LRRC53: variants seen among roughly 807,000 people sequenced by gnomAD.
LRRC53 encodes the protein leucine rich repeat containing 53.
Under a neutral mutation model 13.6 loss-of-function variants are expected in LRRC53, and 25 were observed. The ratio of observed to expected loss-of-function variants is 1.83; its 90% CI spans 1.34 to 2.56. The LOEUF is 2.56. Ranked by LOEUF, LRRC53 falls within the 30% of genes most tolerant of loss-of-function variation. LRRC53 has a pLI of 0.00. For synonymous variants in LRRC53, 204 were observed against 109.8 expected (o/e 1.86, Z -5.37); for missense variants, 527 against 275.8 (o/e 1.91, Z -6.45).
chr1:74,476,229 C>G (rs1158629009), intron 3 of LRRC53, among the ~76,000 whole-genome samples: 1 of 152,058 alleles, frequency 6.6e-6, no homozygotes, highest in East Asian at 1.9e-4. Context: ...GTAGTTTGTC[C>G]TCTGAATAAA....
intron 4 of LRRC53, among the ~76,000 whole-genome samples, chr1:74,473,689 C>A (rs1468842708): frequency 2.6e-5 from 4 of 152,030 alleles, no homozygotes; most frequent in East Asian, 1.9e-4. Context: ...TAATTCCAAT[C>A]TAAGATCTGC....
chr1:74,510,047 A>C (rs1670106352), intron 1 of LRRC53, among the ~76,000 whole-genome samples: 1 of 151,862 alleles, frequency 6.6e-6, no homozygotes. Context: ...TTTCAATGTC[A>C]CAGATTTTCT....
rs536932947 is a variant in LRRC53, at chr1:74,475,453, A to G, written c.1262T>C (p.Leu421Pro). ...STLFCQDGRLLHSECSEPPGN... is the reference protein window; with the variant it reads ...STLFCQDGRLPHSECSEPPGN... ...AGGAGGCTCTGAACATTCCGAATGC[A>G]GCAATCTACCATCCTGGCAAAATAA... The change falls in exon 4 of 5, where the codon CTG becomes CCG. Residue 421 changes from leucine to proline, a missense_variant. Coordinates refer to ENST00000294635, the MANE Select transcript of LRRC53 (RefSeq NM_001382280.1). 20 of 717,166 alleles carry G rather than the reference A, an allele frequency of 2.8e-5. No individual in the cohort carries two copies. The highest frequency in any genetic ancestry group is 1.9e-4 in the East Asian group (7 of 37,268). The allele number at this position is 717,166 out of a possible 1,614,324, so 44.4% of individuals were successfully genotyped here.
At chr1:74,484,027 A>G (rs1263276223) in intron 1 of LRRC53, among the ~76,000 whole-genome samples, 2 of 152,170 alleles carry the variant, frequency 1.3e-5, no homozygotes, top group Non-Finnish European at 2.9e-5. Context: ...CATGTGTAAA[A>G]TAGAAATAAT....
At chr1:74,518,752 A>G in the LRRC53 span, among the ~76,000 whole-genome samples, 4 of 152,166 alleles carry the variant, frequency 2.6e-5, no homozygotes, top group Non-Finnish European at 5.9e-5. Flanking sequence ...ATTTATTTCC[A>G]TAAGTAAAGG....
chr1:74,494,480 C>T (rs1393283280), intron 1 of LRRC53, among the ~76,000 whole-genome samples: 3 of 152,126 alleles, frequency 2.0e-5, no homozygotes, highest in African/African-American at 7.2e-5. Context: ...ATTTTAGTCT[C>T]TTGTATAATT....
At chr1:74,494,809 G>A (rs1364413115) in intron 1 of LRRC53, among the ~76,000 whole-genome samples, 3 of 152,136 alleles carry the variant, frequency 2.0e-5, no homozygotes, top group Non-Finnish European at 1.5e-5. Context: ...TTTAAGGAGA[G>A]GTACTATTGT....
Position 74,469,860 on chromosome 1 carries a change from T to G in LRRC53, c.*18A>C. ...GCTAAAGTAGAAAAGGATTATTATT[T>G]GAGTTATTTTGTTCACTTTATTCTG... On this transcript the variant is annotated 3_prime_UTR_variant, in exon 5 of 5. Coordinates refer to ENST00000294635, the MANE Select transcript of LRRC53 (RefSeq NM_001382280.1). The G allele has an allele frequency of 2.5e-6, 1 of 400,524 alleles. No homozygotes were observed. Among genetic ancestry groups the G allele is most frequent in the Non-Finnish European group, 4.4e-6 (1 of 225,992 alleles). The allele number at this position is 400,524 out of a possible 1,614,324, so 24.8% of individuals were successfully genotyped here.
intron 1 of LRRC53, among the ~76,000 whole-genome samples, chr1:74,485,621 A>G (rs1022102946): frequency 6.6e-6 from 1 of 152,216 alleles, no homozygotes; most frequent in Admixed American, 6.6e-5. Flanking sequence ...ATGTTTCATC[A>G]TATGACTAAA....
Position 74,474,800 on chromosome 1 carries a change from T to C in LRRC53, c.1420+495A>G, listed in dbSNP as rs1033623629. On this transcript the variant is annotated intron_variant, in intron 4 of 4. Coordinates refer to ENST00000294635, the MANE Select transcript of LRRC53 (RefSeq NM_001382280.1). ...CCCTGGACTGGGAAGTTATCATCCC[T>C]GACAGCTCAGCAAGCAAAGTACGTT... is the stretch of plus-strand genomic sequence containing the variant. 3.3e-5 allele frequency among the ~76,000 whole-genome samples: 5 copies of C among 152,154 alleles called. No individual in the cohort carries two copies. The South Asian group carries it at 1.0e-3, about 32-fold the overall frequency.
At chr1:74,487,415 G>C (rs138236864) in intron 1 of LRRC53, among the ~76,000 whole-genome samples, 15 of 152,268 alleles carry the variant, frequency 9.9e-5, no homozygotes, top group Admixed American at 3.9e-4. Flanking sequence ...AGAGTGAATG[G>C]ACTAGAAATA....
At chr1:74,518,879 T>A in the LRRC53 span, among the ~76,000 whole-genome samples, 100 of 118,478 alleles carry the variant, frequency 8.4e-4, 8 homozygotes, top group African/African-American at 4.5e-3. Flanking sequence ...TTCCCCTTTT[T>A]TTTTTTTTTT....
At chr1:74,525,048 G>A in the LRRC53 span, among the ~76,000 whole-genome samples, 2 of 152,148 alleles carry the variant, frequency 1.3e-5, no homozygotes, top group Non-Finnish European at 2.9e-5. Flanking sequence ...ACTGGGGAAA[G>A]AGACAAAGAA....
At chr1:74,497,798 A>C (rs992877184) in intron 1 of LRRC53, among the ~76,000 whole-genome samples, 1 of 152,164 alleles carries the variant, frequency 6.6e-6, no homozygotes, top group East Asian at 1.9e-4. Context: ...ATTTGCATTA[A>C]AACCTTCAAT....
chr1:74,521,595 G>T, the LRRC53 span, among the ~76,000 whole-genome samples: 5 of 151,888 alleles, frequency 3.3e-5, no homozygotes, highest in East Asian at 7.7e-4. Flanking sequence ...CTTTTTCTGC[G>T]TTCCTTTATT....
upstream of LRRC53, among the ~76,000 whole-genome samples, chr1:74,514,688 T>C (rs1570727435): frequency 6.6e-6 from 1 of 152,182 alleles, no homozygotes; most frequent in African/African-American, 2.4e-5. Flanking sequence ...CAAAGCCATG[T>C]GTGCTCTTTT....
chr1:74,470,914 T>C lies in LRRC53; in HGVS notation c.2708A>G (p.Glu903Gly), dbSNP rs1268697769. 2.5e-6 allele frequency: 1 copy of C among 400,614 alleles called. No individual in the cohort carries two copies. Among genetic ancestry groups the C allele is most frequent in the East Asian group, 3.6e-5 (1 of 28,080 alleles). The allele number at this position is 400,614 out of a possible 1,614,324, so 24.8% of individuals were successfully genotyped here. The change falls in exon 5 of 5, where the codon GAG becomes GGG. Residue 903 changes from glutamate (E) to glycine (G), a missense_variant. Coordinates refer to ENST00000294635, the MANE Select transcript of LRRC53 (RefSeq NM_001382280.1). ...SRRATDQGTTESTEHMGQNVS... is the reference protein window; with the variant it reads ...SRRATDQGTTGSTEHMGQNVS... ...ATTCTGTCCCATGTGCTCAGTGGAC[T>C]CCGTTGTCCCTTGGTCAGTAGCCCT...
chr1:74,496,647 A>G (rs2100323262), intron 1 of LRRC53, among the ~76,000 whole-genome samples: 1 of 152,228 alleles, frequency 6.6e-6, no homozygotes, highest in Non-Finnish European at 1.5e-5. Flanking sequence ...TTAGAGGTGC[A>G]AAATTGTGTC....
At chr1:74,491,104 AAG>A (rs879395186) in intron 1 of LRRC53, among the ~76,000 whole-genome samples, 2 of 152,222 alleles carry the variant, frequency 1.3e-5, no homozygotes, top group African/African-American at 2.4e-5. Context: ...CACATTTTAG[AAG>A]AGAGAGATTT....
Sources: allele counts gnomAD v4.1 joint callset (sites outside exome capture counted in the v4.1 genomes callset), GRCh38; gene constraint gnomAD v4.1.1; transcripts MANE v1.5; gene names NCBI Gene and HGNC (gene_info 2026-07-23, HGNC 2026-07-21).